NELFCD: variants seen among roughly 807,000 people sequenced by gnomAD.
NELFCD encodes the protein negative elongation factor C/D.
In NELFCD, 48 loss-of-function variants were observed where a neutral mutation model predicts 72.9. The ratio of observed to expected loss-of-function variants is 0.66; its 90% CI spans 0.52 to 0.84. The LOEUF is 0.84. NELFCD is among the 40% of genes least tolerant of loss of function. The pLI, the probability that NELFCD is intolerant of heterozygous loss-of-function variation, is 0.00. For missense variants in NELFCD, 538 were observed against 723.8 expected, an observed-to-expected ratio of 0.74 and a Z score of 2.94; for synonymous variants, 297 against 280.6, an observed-to-expected ratio of 1.06 and a Z score of -0.59.
rs372236371 is a variant in NELFCD, at chr20:58,994,290, G to A, written c.1711+51G>A. On this transcript the variant is annotated intron_variant, in intron 14 of 14. Transcript: ENST00000652272. ...CTACAATAGAAAATGTCAGCTGGGC[G>A]CGGTGGCTCATGCCTGTAATCCCAG... 1,268 of 1,590,262 alleles carry A rather than the reference G, an allele frequency of 8.0e-4. 1 individual carries two copies. The highest frequency in any genetic ancestry group is 1.0e-3 in the Non-Finnish European group (1,198 of 1,164,444).
Position 58,986,185 on chromosome 20 carries a change from C to T in NELFCD, c.153C>T (p.Pro51=), listed in dbSNP as rs756331965. The change falls in exon 2 of 15, where the codon CCC becomes CCT. Residue 51 remains proline (P), a synonymous_variant. Transcript: ENST00000652272. The surrounding 1 kb of genome is among the most constrained non-coding windows in gnomAD (Gnocchi z 4.4). ...CCACCCGGGATTATATCATGGAACCCTCCATCTTCAACACTCTGAAGAGGT... is the reference window on the plus strand; with the variant it reads ...CCACCCGGGATTATATCATGGAACCTTCCATCTTCAACACTCTGAAGAGGT... ...KFSTRDYIME[P]SIFNTLKRYF... is the part of the protein sequence containing the mutation. 7 of 1,612,392 alleles carry T rather than the reference C, an allele frequency of 4.3e-6. No homozygotes were observed. Among genetic ancestry groups the T allele is most frequent in the East Asian group, 2.2e-5 (1 of 44,870 alleles).
At chr20:58,991,826 C>T (rs1006779463) in intron 9 of NELFCD, 55 bp from the exon 10 acceptor site, 36 of 1,590,828 alleles carry the variant, frequency 2.3e-5, no homozygotes, top group East Asian at 1.1e-4. Context: ...CAGAACACCC[C>T]GACAGCAGGG....
At chr20:58,994,295 G>GGCT (rs2091841392) in intron 14 of NELFCD, 56 bp downstream of exon 14, 6 of 1,583,648 alleles carry the variant, frequency 3.8e-6, no homozygotes, top group African/African-American at 1.3e-5. Flanking sequence ...TGGGCGCGGT[G>GGCT]GCTCATGCCT....
rs1177953394 is a variant in NELFCD at position 58,986,354 on chromosome 20, T to TG, written c.176+146_176+147insG. ...GGGGGGGTCCCCTCTGCCACTTTTTTTTTTTTTTTAAATTTTTTTAAGACA... is the reference window on the plus strand; with the variant it reads ...GGGGGGGTCCCCTCTGCCACTTTTTTGTTTTTTTTTAAATTTTTTTAAGACA... On this transcript the variant is annotated intron_variant, in intron 2 of 14. Coordinates refer to ENST00000652272, the MANE Select transcript of NELFCD (RefSeq NM_198976.4). This position sits in a 1 kb window ranked among gnomAD's most constrained non-coding sequence, Gnocchi z 4.4. The TG allele has an allele frequency of 3.3e-6, 2 of 599,064 alleles. No individual in the cohort carries two copies. The highest frequency in any genetic ancestry group is 5.9e-6 in the Non-Finnish European group (2 of 341,824). 37.1% of individuals were successfully genotyped at this position (599,064 alleles called of 1,614,324 possible). A position where few individuals can be genotyped will look rare whatever the true frequency, so the allele number is the denominator to read the frequency against.
chr20:58,981,809 G>A (rs1402677239), intron 1 of NELFCD, among the ~76,000 whole-genome samples: 3 of 152,232 alleles, frequency 2.0e-5, no homozygotes, highest in Non-Finnish European at 4.4e-5. Context: ...TGAGGAAAAA[G>A]TAGAACTTAG....
rs983037436 is a variant in NELFCD, at chr20:58,993,826, C to G, written c.1581+62C>G. The stretch of plus-strand genomic sequence containing the variant: ...TTTACACTAGCACTGCCCTTTTTGG[C>G]TTAATTTAGTTCATTTTGTACCTAA... On this transcript the variant is annotated intron_variant, in intron 13 of 14. Transcript: ENST00000652272. This position sits in a 1 kb window ranked among gnomAD's most constrained non-coding sequence, Gnocchi z 5.0. 2 of 1,552,128 alleles carry G rather than the reference C, an allele frequency of 1.3e-6. No homozygotes were observed. Among genetic ancestry groups the G allele is most frequent in the Admixed American group, 3.4e-5 (2 of 58,772 alleles).
chr20:58,983,493 G>A (rs1166002383), intron 1 of NELFCD, among the ~76,000 whole-genome samples: 1 of 148,822 alleles, frequency 6.7e-6, no homozygotes, highest in Non-Finnish European at 1.5e-5. Context: ...AGGCTGGAGT[G>A]CAGTGGTGCC....
chr20:58,987,566 G>T, intron 3 of NELFCD, 142 bp from the exon 4 acceptor site: 1 of 663,776 alleles, frequency 1.5e-6, no homozygotes, highest in Non-Finnish European at 2.6e-6. Flanking sequence ...ACTTTGAAGA[G>T]TTCCAAAACC....
At chr20:58,985,714 C>T (rs946277748) in intron 1 of NELFCD, among the ~76,000 whole-genome samples, 3 of 152,074 alleles carry the variant, frequency 2.0e-5, no homozygotes, top group African/African-American at 2.4e-5. Context: ...TGCACTGTTA[C>T]GAAATGTCAG....
chr20:58,989,068 AT>A (rs759488739), intron 5 of NELFCD, 47 bp downstream of exon 5: 1 of 1,408,450 alleles, frequency 7.1e-7, no homozygotes, highest in Non-Finnish European at 1.0e-6. Context: ...ATGAATGTTT[AT>A]TTTTGGTTGT....
chr20:58,990,178 C>T, intron 7 of NELFCD, 190 bp downstream of exon 7: 2 of 660,166 alleles, frequency 3.0e-6, no homozygotes, highest in Non-Finnish European at 5.0e-6. Context: ...GGATGGATCA[C>T]CTAAGGTCAG....
chr20:58,984,968 TG>T (rs1237340617), intron 1 of NELFCD, among the ~76,000 whole-genome samples: 1 of 152,224 alleles, frequency 6.6e-6, no homozygotes, highest in African/African-American at 2.4e-5. Context: ...CAGCTTTTAC[TG>T]GGAAGTCATC....
At position 58,993,142 on chromosome 20, in the gene NELFCD, A is replaced by C; in HGVS notation, c.1344+30A>C. 1 of 1,483,360 alleles carries C rather than the reference A, an allele frequency of 6.7e-7. No homozygotes were observed. The highest frequency in any genetic ancestry group is 9.4e-7 in the Non-Finnish European group (1 of 1,060,676). The allele number at this position is 1,483,360 out of a possible 1,614,324, so 91.9% of individuals were successfully genotyped here. On this transcript the variant is annotated intron_variant, in intron 11 of 14. Coordinates refer to ENST00000652272, the MANE Select transcript of NELFCD (RefSeq NM_198976.4). The surrounding 1 kb of genome is among the most constrained non-coding windows in gnomAD (Gnocchi z 5.0). The stretch of plus-strand genomic sequence containing the variant: ...GAGGGCGGAGAGCTGTTCACAGCCT[A>C]CACAGTGTCTGTCTCATGCTGTTTA...
intron 4 of NELFCD, 72 bp downstream of exon 4, chr20:58,987,889 C>T (rs915079862): frequency 1.1e-4 from 125 of 1,111,690 alleles, no homozygotes; most frequent in East Asian, 1.7e-4. Context: ...TACAGTGGAG[C>T]GTGGCATATC....
In NELFCD at chr20:58,986,211, A is replaced by T; in HGVS notation, c.176+3A>T. 6.3e-7 allele frequency: 1 copy of T among 1,588,140 alleles called. No individual in the cohort carries two copies. The highest frequency in any genetic ancestry group is 8.6e-7 in the Non-Finnish European group (1 of 1,156,220). ...TCCATCTTCAACACTCTGAAGAGGTATGTGAGAAAGGTGTCTGTATTGGGA... is the reference window on the plus strand; with the variant it reads ...TCCATCTTCAACACTCTGAAGAGGTTTGTGAGAAAGGTGTCTGTATTGGGA... On this transcript the variant is annotated splice_donor_region_variant and intron_variant, in intron 2 of 14. Transcript: ENST00000652272. The surrounding 1 kb of genome is among the most constrained non-coding windows in gnomAD (Gnocchi z 4.4).
chr20:58,984,449 A>C (rs2091758441), intron 1 of NELFCD, among the ~76,000 whole-genome samples: 1 of 152,186 alleles, frequency 6.6e-6, no homozygotes, highest in African/African-American at 2.4e-5. Context: ...AGCAGAGGCA[A>C]ATGTGGAAAG....
In NELFCD at chr20:58,986,224, G is replaced by A. The variant is rs758325586; in HGVS notation, c.176+16G>A. 4 of 1,520,238 alleles carry A rather than the reference G, an allele frequency of 2.6e-6. No individual in the cohort carries two copies. The highest frequency in any genetic ancestry group is 2.3e-5 in the East Asian group (1 of 44,438). 94.2% of individuals were successfully genotyped at this position (1,520,238 alleles called of 1,614,324 possible). On this transcript the variant is annotated intron_variant, in intron 2 of 14. Transcript: ENST00000652272. This position sits in a 1 kb window ranked among gnomAD's most constrained non-coding sequence, Gnocchi z 4.4. The stretch of plus-strand genomic sequence containing the variant: ...CTCTGAAGAGGTATGTGAGAAAGGT[G>A]TCTGTATTGGGAGGAGGCTGGGGGT...
rs764277050 is a variant in NELFCD at position 58,990,953 on chromosome 20, G to A, written c.832G>A (p.Ala278Thr). The A allele has an allele frequency of 2.5e-6, 4 of 1,614,084 alleles. No homozygotes were observed. The highest frequency in any genetic ancestry group is 3.4e-6 in the Non-Finnish European group (4 of 1,180,040). Residue 278 changes from alanine to threonine, a missense_variant, in exon 8 of 15, where the codon GCC becomes ACC. Ala to Thr is a moderately conservative substitution (Grantham distance 58). Around this residue, in one of 3 missense-constraint regions of NELFCD, gnomAD observed 355 missense variants for 534.5 expected, o/e 0.66. Coordinates refer to ENST00000652272, the MANE Select transcript of NELFCD (RefSeq NM_198976.4). ...SQITLALGTA[A>T]SYPRACQALG... ...GATCACACTAGCCTTGGGCACAGCT[G>A]CCTCCTACCCCAGGGCCTGCCAGGC...
At chr20:58,991,607 A>C (rs1601217306) in intron 9 of NELFCD, 161 bp downstream of exon 9, 3 of 837,256 alleles carry the variant, frequency 3.6e-6, no homozygotes, top group East Asian at 5.3e-5. Flanking sequence ...AAACGTCTCC[A>C]GAAAATGTGC....
Sources: allele counts gnomAD v4.1 joint callset (sites outside exome capture counted in the v4.1 genomes callset), GRCh38; gene constraint gnomAD v4.1.1; regional missense constraint gnomAD v4.1.1; non-coding constraint Gnocchi (gnomAD v3.1); transcripts MANE v1.5; gene names NCBI Gene and HGNC (gene_info 2026-07-23, HGNC 2026-07-21).